ANKRD11: variants seen among roughly 807,000 people sequenced by gnomAD.
ANKRD11 encodes the protein ankyrin repeat domain 11.
Under a neutral mutation model 195.7 loss-of-function variants are expected in ANKRD11, and 17 were observed. The observed-to-expected ratio is 0.09, with a 90% CI of 0.06 to 0.13. The LOEUF (loss-of-function observed/expected upper bound fraction) is 0.13. Ranked by LOEUF, ANKRD11 falls within the 10% of genes least tolerant of loss-of-function variation. The pLI, the probability that ANKRD11 is intolerant of heterozygous loss-of-function variation, is 1.00. For missense variants in ANKRD11, 3,735 were observed against 3,566.1 expected, an observed-to-expected ratio of 1.05 and a Z score of -1.21; for synonymous variants, 1,953 against 1,528.1, an observed-to-expected ratio of 1.28 and a Z score of -6.49.
intron 4 of ANKRD11, among the ~76,000 whole-genome samples, chr16:89,292,395 G>A (rs1008642062): frequency 7.9e-5 from 12 of 152,148 alleles, no homozygotes; most frequent in African/African-American, 2.7e-4. Context: ...AGCTCCCAGG[G>A]CCCGACTCTC....
intron 2 of ANKRD11, among the ~76,000 whole-genome samples, chr16:89,380,638 T>C (rs1308800848): frequency 6.6e-6 from 1 of 152,024 alleles, no homozygotes; most frequent in Non-Finnish European, 1.5e-5. Context: ...CAATAACCAA[T>C]AGGAGACAGG....
chr16:89,453,088 AC>A (rs2044156970), intron 1 of ANKRD11, among the ~76,000 whole-genome samples: 1 of 152,184 alleles, frequency 6.6e-6, no homozygotes, highest in South Asian at 2.1e-4. Flanking sequence ...GCCCGGCTGC[AC>A]AGAACATCTG....
rs1338060251 is a variant in ANKRD11, at chr16:89,268,258, T to TA, written c.*219_*220insT. The TA allele has an allele frequency of 3.4e-6, 1 of 296,704 alleles. No homozygotes were observed. The allele number at this position is 296,704 out of a possible 1,614,324, so 18.4% of individuals were successfully genotyped here. ...CGGGGCCAGTGAGGCTCTGGGGGCT[T>TA]TGCCCCCGCCGCGGCAGCTGGTAGA... On this transcript the variant is annotated 3_prime_UTR_variant, in exon 13 of 13. Coordinates refer to ENST00000301030, the MANE Select transcript of ANKRD11 (RefSeq NM_013275.6).
chr16:89,320,258 G>A (rs1462898429), intron 2 of ANKRD11: 6 of 152,240 alleles, frequency 3.9e-5, no homozygotes, highest in Non-Finnish European at 4.4e-5. Flanking sequence ...CACAACAGAA[G>A]GCACCGGGTC....
intron 2 of ANKRD11, among the ~76,000 whole-genome samples, chr16:89,350,410 C>G (rs914657107): frequency 6.6e-6 from 1 of 152,136 alleles, no homozygotes; most frequent in African/African-American, 2.4e-5. Flanking sequence ...AACTAGGAAA[C>G]AACGGACATG....
chr16:89,365,650 G>C (rs1474336304), intron 2 of ANKRD11, among the ~76,000 whole-genome samples: 2 of 152,166 alleles, frequency 1.3e-5, no homozygotes, highest in African/African-American at 2.4e-5. Context: ...CAAGTAGGGG[G>C]CCTTTTACCG....
chr16:89,438,590 C>T (rs535056782), intron 1 of ANKRD11, among the ~76,000 whole-genome samples: 2 of 152,214 alleles, frequency 1.3e-5, no homozygotes, highest in East Asian at 3.9e-4. Flanking sequence ...ACCTGGGCCT[C>T]CCAAAGTGCT....
intron 2 of ANKRD11, among the ~76,000 whole-genome samples, chr16:89,354,621 C>G (rs1468665643): frequency 6.6e-6 from 1 of 152,206 alleles, no homozygotes; most frequent in Non-Finnish European, 1.5e-5. Flanking sequence ...GTGGCTCACT[C>G]TTGTAATCCC....
chr16:89,290,580 G>T, intron 6 of ANKRD11, 45 bp downstream of exon 6: 1 of 1,600,788 alleles, frequency 6.2e-7, no homozygotes, highest in Non-Finnish European at 8.5e-7. Flanking sequence ...GAGGCTCAGG[G>T]CTCCAGTGGG....
chr16:89,483,144 C>A (rs1275783044), intron 1 of ANKRD11, among the ~76,000 whole-genome samples: 1 of 152,194 alleles, frequency 6.6e-6, no homozygotes, highest in Non-Finnish European at 1.5e-5. Flanking sequence ...TTTGCCTTCA[C>A]TCATCCCCCT....
rs993290174 is a variant in ANKRD11 at position 89,279,662 on chromosome 16, T to A, written c.6880A>T (p.Thr2294Ser). Residue 2294 changes from threonine (T) to serine (S), a missense_variant, in exon 9 of 13, where the codon ACT becomes TCT. Physicochemically the swap from Thr to Ser is moderately conservative, Grantham distance 58. Coordinates refer to ENST00000301030, the MANE Select transcript of ANKRD11 (RefSeq NM_013275.6). The surrounding 1 kb of genome is among the most constrained non-coding windows in gnomAD (Gnocchi z 5.6). ...AADGAGPEDD[T>S]EASRAAAPAE... ...GGGGCGGCGGCACGGGAGGCCTCAG[T>A]GTCGTCCTCGGGGCCGGCACCGTCT... The A allele has an allele frequency of 2.1e-6, 3 of 1,446,486 alleles. No homozygotes were observed. Among genetic ancestry groups the A allele is most frequent in the Admixed American group, 2.7e-5 (1 of 37,236 alleles). 89.6% of individuals were successfully genotyped at this position (1,446,486 alleles called of 1,614,324 possible). A position where few individuals can be genotyped will look rare whatever the true frequency, so the allele number is the denominator to read the frequency against.
intron 1 of ANKRD11, among the ~76,000 whole-genome samples, chr16:89,441,242 A>C (rs1354374224): frequency 2.0e-5 from 3 of 151,992 alleles, no homozygotes; most frequent in Non-Finnish European, 4.4e-5. Flanking sequence ...TCTCAAAAAA[A>C]AAAAAGTTTC....
intron 2 of ANKRD11, among the ~76,000 whole-genome samples, chr16:89,358,072 G>A (rs2039566797): frequency 6.6e-6 from 1 of 152,158 alleles, no homozygotes; most frequent in Admixed American, 6.5e-5. Context: ...AGTGAGTGAG[G>A]CACCAGATGC....
intron 2 of ANKRD11, among the ~76,000 whole-genome samples, chr16:89,387,698 A>G (rs546172610): frequency 7.6e-5 from 11 of 145,666 alleles, no homozygotes; most frequent in African/African-American, 2.5e-4. Flanking sequence ...AAAAGAAAAA[A>G]AAAAAAAAAA....
At chr16:89,395,410 T>C (rs1233292023) in intron 2 of ANKRD11, among the ~76,000 whole-genome samples, 1 of 152,176 alleles carries the variant, frequency 6.6e-6, no homozygotes, top group South Asian at 2.1e-4. Context: ...GCTACTGGCA[T>C]GCAAAGATCA....
At chr16:89,316,031 G>C (rs2036934367) in intron 3 of ANKRD11, among the ~76,000 whole-genome samples, 1 of 152,150 alleles carries the variant, frequency 6.6e-6, no homozygotes, top group Non-Finnish European at 1.5e-5. Context: ...CCGAGGGTCA[G>C]ACAGGTCACA....
At position 89,476,653 on chromosome 16, in the gene ANKRD11, T is replaced by C. The variant is rs1235245020; in HGVS notation, c.-145+13592A>G. The stretch of plus-strand genomic sequence containing the variant: ...AGACCTCAAGCCGCAGGCACTAGCC[T>C]GCCAAAAAAGACTTCTCCTCCTTGG... On this transcript the variant is annotated intron_variant, in intron 1 of 12. Transcript: ENST00000301030. Among the ~76,000 whole-genome samples, 4 of 152,138 alleles carry C rather than the reference T, an allele frequency of 2.6e-5. No individual in the cohort carries two copies. In the South Asian group the frequency reaches 6.2e-4, roughly 24 times the overall value.
chr16:89,488,816 T>TA (rs2057706861), intron 1 of ANKRD11, among the ~76,000 whole-genome samples: 1 of 152,220 alleles, frequency 6.6e-6, no homozygotes, highest in Non-Finnish European at 1.5e-5. Context: ...AATGACTGCA[T>TA]AAAACTCTCT....
chr16:89,447,156 A>G (rs1214971001), intron 1 of ANKRD11, among the ~76,000 whole-genome samples: 1 of 151,924 alleles, frequency 6.6e-6, no homozygotes, highest in Non-Finnish European at 1.5e-5. Context: ...CACGTCCAAC[A>G]CCAGTGGCCT....
Sources: allele counts gnomAD v4.1 joint callset (sites outside exome capture counted in the v4.1 genomes callset), GRCh38; gene constraint gnomAD v4.1.1; non-coding constraint Gnocchi (gnomAD v3.1); transcripts MANE v1.5; gene names NCBI Gene and HGNC (gene_info 2026-07-23, HGNC 2026-07-21).